The following SPRED2 variants were observed in gnomAD, a reference collection of about 807,000 sequenced individuals.
SPRED2 encodes sprouty-related, EVH1 domain-containing protein 2.
A neutral mutation model predicts 43.0 loss-of-function variants in SPRED2; 47 were observed. The observed-to-expected ratio is 1.09, with a 90% CI of 0.87 to 1.40. SPRED2 has a LOEUF of 1.40. SPRED2 is among the 40% of genes most tolerant of loss of function. SPRED2 has a pLI of 0.00. For synonymous variants in SPRED2, 225 were observed against 225.7 expected (o/e 1.00, Z 0.03); for missense variants, 561 against 586.4 (o/e 0.96, Z 0.45).
downstream of SPRED2, among the ~76,000 whole-genome samples, chr2:65,310,094 C>A (rs1673029233): frequency 6.6e-6 from 1 of 152,180 alleles, no homozygotes. Context: ...GACTCTTTCC[C>A]CACTCCTCCA....
At chr2:65,324,734 G>A (rs1439524571) in intron 4 of SPRED2, among the ~76,000 whole-genome samples, 1 of 152,188 alleles carries the variant, frequency 6.6e-6, no homozygotes, top group Non-Finnish European at 1.5e-5. Flanking sequence ...CACCAGGCCA[G>A]ACGAGCTGAG....
chr2:65,407,231 T>G (rs912376020), intron 1 of SPRED2, among the ~76,000 whole-genome samples: 1 of 132,600 alleles, frequency 7.5e-6, no homozygotes, highest in Non-Finnish European at 1.6e-5. Flanking sequence ...CTTTCTCAAA[T>G]GGGGCGCTGG....
In SPRED2 at chr2:65,313,411, G is replaced by A. The variant is rs1002450254; in HGVS notation, c.*90C>T. On this transcript the variant is annotated 3_prime_UTR_variant, in exon 6 of 6. Transcript: ENST00000356388. ...GGCCGCTTGCCCTCCTCGCTCCTTG[G>A]AGTGGAAGGGAGCGGGGGAGAAGAT... The A allele has an allele frequency of 2.0e-6, 3 of 1,512,702 alleles. No individual in the cohort carries two copies. The highest frequency in any genetic ancestry group is 5.0e-4 in the Middle Eastern group (2 of 4,002). 93.7% of individuals were successfully genotyped at this position (1,512,702 alleles called of 1,614,324 possible). A position where few individuals can be genotyped will look rare whatever the true frequency, so the allele number is the denominator to read the frequency against.
chr2:65,326,097 T>G (rs1030169033), intron 4 of SPRED2, among the ~76,000 whole-genome samples: 2 of 152,228 alleles, frequency 1.3e-5, no homozygotes, highest in Non-Finnish European at 2.9e-5. Context: ...AGTTATGGAC[T>G]ACATTTGCAT....
chr2:65,341,586 C>T (rs1332829992), intron 2 of SPRED2, among the ~76,000 whole-genome samples: 1 of 152,124 alleles, frequency 6.6e-6, no homozygotes, highest in Non-Finnish European at 1.5e-5. Flanking sequence ...AAGGACGTGG[C>T]TCACTTCTTA....
At position 65,432,141 on chromosome 2, in the gene SPRED2, A is replaced by G; in HGVS notation, c.-154T>C. 1 of 937,566 alleles carries G rather than the reference A, an allele frequency of 1.1e-6. No individual in the cohort carries two copies. The highest frequency in any genetic ancestry group is 1.6e-6 in the Non-Finnish European group (1 of 606,282). The allele number at this position is 937,566 out of a possible 1,614,324, so 58.1% of individuals were successfully genotyped here. On this transcript the variant is annotated 5_prime_UTR_variant, in exon 1 of 6. Coordinates refer to ENST00000356388, the MANE Select transcript of SPRED2 (RefSeq NM_181784.3). The stretch of plus-strand genomic sequence containing the variant: ...AAGAGGGCGCCGCAGCAGAAGGGGA[A>G]GCAGGGCGCGGGATAGGGTTTGGGG...
chr2:65,317,288 G>A (rs1389652886), intron 4 of SPRED2, among the ~76,000 whole-genome samples: 2 of 152,178 alleles, frequency 1.3e-5, no homozygotes, highest in Admixed American at 6.6e-5. Context: ...CAAGGCGGGC[G>A]GATCACCTGA....
At chr2:65,344,683 A>T in intron 2 of SPRED2, 36 bp downstream of exon 2, 1 of 1,609,790 alleles carries the variant, frequency 6.2e-7, no homozygotes, top group Non-Finnish European at 8.5e-7. Flanking sequence ...AGCAGTTGTT[A>T]CTAATTTAAC....
intron 1 of SPRED2, among the ~76,000 whole-genome samples, chr2:65,424,710 G>A (rs1676517063): frequency 6.6e-6 from 1 of 152,174 alleles, no homozygotes; most frequent in African/African-American, 2.4e-5. Flanking sequence ...CAGCACTCTG[G>A]AAGGTCGAGA....
Position 65,432,032 on chromosome 2 carries a change from T to C in SPRED2, c.-45A>G, listed in dbSNP as rs765994205. The C allele has an allele frequency of 1.2e-6, 2 of 1,612,868 alleles. No homozygotes were observed. Among genetic ancestry groups the C allele is most frequent in the Non-Finnish European group, 8.5e-7 (1 of 1,179,592 alleles). ...CCTGTCCCGCGGCGGGCAGCTTTGC[T>C]CCCTTCATCTTCCTGTCCGCTCGCC... On this transcript the variant is annotated 5_prime_UTR_variant, in exon 1 of 6. Coordinates refer to ENST00000356388, the MANE Select transcript of SPRED2 (RefSeq NM_181784.3).
chr2:65,348,646 T>G (rs898732230), intron 1 of SPRED2, among the ~76,000 whole-genome samples: 1 of 151,642 alleles, frequency 6.6e-6, no homozygotes. Context: ...CCATTAAAAG[T>G]ACAAAAAATT....
chr2:65,317,956 G>A (rs7601027), intron 4 of SPRED2, among the ~76,000 whole-genome samples: 95,935 of 151,858 alleles, frequency 0.63, 31,269 homozygotes, highest in East Asian at 0.84. Flanking sequence ...AGTGCGCACT[G>A]TACAAGCAGA....
At position 65,314,035 on chromosome 2, in the gene SPRED2, C is replaced by T; in HGVS notation, c.723G>A (p.Pro241=). The part of the protein sequence containing the change: ...YRHAPVRGKY[P]DPSEDADSSY... ...AGGAGTCCGCGTCCTCCGAGGGGTC[C>T]GGGTACTTGCCCCTGACGGGTGCGT... is the stretch of plus-strand genomic sequence containing the variant. The change falls in exon 6 of 6, where the codon CCG becomes CCA. Residue 241 remains proline, a synonymous_variant. Coordinates refer to ENST00000356388, the MANE Select transcript of SPRED2 (RefSeq NM_181784.3). 1.9e-6 allele frequency: 3 copies of T among 1,614,100 alleles called. No homozygotes were observed. The highest frequency in any genetic ancestry group is 2.2e-5 in the East Asian group (1 of 44,876).
chr2:65,370,640 AAGAGTGTTATTTAT>A (rs1268119131), intron 1 of SPRED2, among the ~76,000 whole-genome samples: 33 of 152,186 alleles, frequency 2.2e-4, no homozygotes, highest in African/African-American at 8.0e-4. Context: ...AATCAGATAC[AAGAGTGTTATTTAT>A]AGTGATTTGG....
chr2:65,347,902 G>A (rs1558662791), intron 1 of SPRED2, among the ~76,000 whole-genome samples: 1 of 152,072 alleles, frequency 6.6e-6, no homozygotes, highest in East Asian at 1.9e-4. Context: ...TGATCCAGCT[G>A]CCATCACCTT....
At position 65,311,862 on chromosome 2, in the gene SPRED2, A is replaced by G. The variant is rs1249624264; in HGVS notation, c.*1639T>C. 1.0e-6 allele frequency: 1 copy of G among 985,324 alleles called. No individual in the cohort carries two copies. The highest frequency in any genetic ancestry group is 1.2e-6 in the Non-Finnish European group (1 of 829,950). The allele number at this position is 985,324 out of a possible 1,614,324, so 61.0% of individuals were successfully genotyped here. On this transcript the variant is annotated 3_prime_UTR_variant, in exon 6 of 6. Coordinates refer to ENST00000356388, the MANE Select transcript of SPRED2 (RefSeq NM_181784.3). ...GCACAGCTAGCACTTTCCCAATATG[A>G]TTGGCAGACTGGAAAAAAGTCCCTT...
At chr2:65,326,911 G>T (rs919039857) in intron 4 of SPRED2, among the ~76,000 whole-genome samples, 1 of 152,160 alleles carries the variant, frequency 6.6e-6, no homozygotes, top group Non-Finnish European at 1.5e-5. Context: ...TACAATCACA[G>T]CTCACTGCAG....
At chr2:65,418,271 C>T (rs1470350241) in intron 1 of SPRED2, among the ~76,000 whole-genome samples, 1 of 152,230 alleles carries the variant, frequency 6.6e-6, no homozygotes, top group Middle Eastern at 3.4e-3. Flanking sequence ...GCTTTGTCAG[C>T]CTGGCTGGTA....
At position 65,431,958 on chromosome 2, in the gene SPRED2, T is replaced by C; in HGVS notation, c.26+4A>G. On this transcript the variant is annotated splice_donor_region_variant and intron_variant, in intron 1 of 5. Coordinates refer to ENST00000356388, the MANE Select transcript of SPRED2 (RefSeq NM_181784.3). The stretch of plus-strand genomic sequence containing the variant: ...CCCTCGTCCCACCCCGCGACCAAAC[T>C]TACTCGTCTGGGTGTGTTTCTTCGG... 6.2e-7 allele frequency: 1 copy of C among 1,612,852 alleles called. No homozygotes were observed. Among genetic ancestry groups the C allele is most frequent in the East Asian group, 2.2e-5 (1 of 44,790 alleles).
Sources: allele counts gnomAD v4.1 joint callset (sites outside exome capture counted in the v4.1 genomes callset), GRCh38; gene constraint gnomAD v4.1.1; transcripts MANE v1.5; gene names NCBI Gene and HGNC (gene_info 2026-07-23, HGNC 2026-07-21).